Variants in INVS observed in about 807,000 individuals in gnomAD.
The protein encoded by INVS is inversion of embryo turning homolog.
INVS carries 86 observed loss-of-function variants against 108.8 expected under a neutral mutation model. The observed-to-expected ratio is 0.79, with a 90% CI of 0.66 to 0.95. INVS has a LOEUF of 0.95. INVS is among the 40% of genes least tolerant of loss of function. INVS has a pLI of 0.00. For synonymous variants in INVS, 455 were observed against 473.5 expected, an observed-to-expected ratio of 0.96 and a Z score of 0.51; for missense variants, 1,169 against 1,297.4, an observed-to-expected ratio of 0.90 and a Z score of 1.52.
At position 100,297,260 on chromosome 9, in the gene INVS, G is replaced by C; in HGVS notation, c.3016+114G>C. The C allele has an allele frequency of 5.8e-6, 5 of 867,436 alleles. No individual in the cohort carries two copies. The South Asian group carries it at 7.2e-5, about 12-fold the overall frequency. 53.7% of individuals were successfully genotyped at this position (867,436 alleles called of 1,614,324 possible). On this transcript the variant is annotated intron_variant, in intron 15 of 16. Coordinates refer to ENST00000262457, the MANE Select transcript of INVS (RefSeq NM_014425.5). ...AACTTCCATTCAGATAAATTAGGTT[G>C]GTGCAAAATTAATTGTATTATTAAA...
At chr9:100,111,132 G>A (rs1461759109) in intron 2 of INVS, among the ~76,000 whole-genome samples, 1 of 152,144 alleles carries the variant, frequency 6.6e-6, no homozygotes, top group Non-Finnish European at 1.5e-5. Flanking sequence ...TATAAAATAT[G>A]TAAAGTAAGA....
At chr9:100,196,732 C>T (rs1830385889) in intron 3 of INVS, among the ~76,000 whole-genome samples, 1 of 148,340 alleles carries the variant, frequency 6.7e-6, no homozygotes, top group African/African-American at 2.5e-5. Flanking sequence ...TTTATAATTA[C>T]CTAATTGTAT....
At chr9:100,259,826 A>T (rs1832556833) in intron 10 of INVS, among the ~76,000 whole-genome samples, 1 of 151,938 alleles carries the variant, frequency 6.6e-6, no homozygotes, top group Admixed American at 6.6e-5. Context: ...CTGGGATTAC[A>T]GGCATGAGCC....
intron 12 of INVS, among the ~76,000 whole-genome samples, chr9:100,283,138 C>G (rs1037526961): frequency 2.0e-5 from 3 of 152,006 alleles, no homozygotes; most frequent in Non-Finnish European, 4.4e-5. Context: ...GTGAGACCCC[C>G]CCTCCCCATC....
chr9:100,301,166 CACACACACACACAT>C lies in INVS; in HGVS notation c.*494_*507del, dbSNP rs1411205699. ...ACACACACACACACACACACACACA[CACACACACACACAT>C]ATCACGTCCCACTATTACTTCAAAA... On this transcript the variant is annotated 3_prime_UTR_variant, in exon 17 of 17. Transcript: ENST00000262457. Among the ~76,000 whole-genome samples, 20 of 126,156 alleles carry C rather than the reference CACACACACACACAT, an allele frequency of 1.6e-4. No homozygotes were observed. The highest frequency in any genetic ancestry group is 3.7e-3 in the Middle Eastern group (1 of 268). The allele number at this position is 126,156 out of a possible 152,430, so 82.8% of individuals were successfully genotyped here.
chr9:100,246,579 G>C, intron 7 of INVS, 37 bp from the exon 8 acceptor site: 1 of 1,507,270 alleles, frequency 6.6e-7, no homozygotes. Context: ...AAATACTACT[G>C]TTTTGTCTCC....
intron 3 of INVS, among the ~76,000 whole-genome samples, chr9:100,128,739 A>C (rs1324680206): frequency 4.6e-5 from 7 of 152,236 alleles, no homozygotes; most frequent in Non-Finnish European, 8.8e-5. Flanking sequence ...GTGAACTGAC[A>C]ATGAAAGATC....
chr9:100,252,500 T>A, intron 9 of INVS, 62 bp downstream of exon 9: 1 of 1,461,028 alleles, frequency 6.8e-7, no homozygotes, highest in Non-Finnish European at 9.6e-7. Context: ...TTGCATACTC[T>A]GTTTAAGATA....
In INVS at chr9:100,256,818, G is replaced by A. The variant is rs1832436047; in HGVS notation, c.1464+3682G>A. Among the ~76,000 whole-genome samples, 6 of 152,122 alleles carry A rather than the reference G, an allele frequency of 3.9e-5. No individual in the cohort carries two copies. In the South Asian group the frequency reaches 1.2e-3, roughly 32 times the overall value. On this transcript the variant is annotated intron_variant, in intron 10 of 16. Coordinates refer to ENST00000262457, the MANE Select transcript of INVS (RefSeq NM_014425.5). Reference sequence around the variant, plus strand: ...ATTTCTGTTCTTTTACATTTGCTGAGGAGTGCTTTACTATGTTGTCAATTT... The same window carrying A: ...ATTTCTGTTCTTTTACATTTGCTGAAGAGTGCTTTACTATGTTGTCAATTT...
At chr9:100,130,924 T>C (rs1351609302) in intron 3 of INVS, 1 of 152,178 alleles carries the variant, frequency 6.6e-6, no homozygotes, top group African/African-American at 2.4e-5. Flanking sequence ...TTTTATAAAA[T>C]ATCTATAGCC....
In INVS at chr9:100,299,555, AACACACACACACAC is replaced by A. The variant is rs55800849; in HGVS notation, c.3092-991_3092-978del. 3.2e-4 allele frequency among the ~76,000 whole-genome samples: 40 copies of A among 125,738 alleles called. 1 individual carries two copies. The highest frequency in any genetic ancestry group is 1.1e-3 in the African/African-American group (37 of 33,622). The allele number at this position is 125,738 out of a possible 152,430, so 82.5% of individuals were successfully genotyped here. On this transcript the variant is annotated intron_variant, in intron 16 of 16. Transcript: ENST00000262457. ...TCAGCAGAGCCTTTTATTGACACAC[AACACACACACACAC>A]ACACACACACACACACACACAGCCT...
chr9:100,243,877 G>T (rs1030496622), intron 7 of INVS, among the ~76,000 whole-genome samples: 33 of 152,086 alleles, frequency 2.2e-4, no homozygotes, highest in African/African-American at 8.0e-4. Context: ...CGGGCGAAGT[G>T]GCTGGCGCCT....
intron 3 of INVS, among the ~76,000 whole-genome samples, chr9:100,156,057 T>C (rs759502562): frequency 3.9e-5 from 6 of 152,030 alleles, no homozygotes; most frequent in Non-Finnish European, 7.4e-5. Context: ...TGCTTAGAAA[T>C]TGGGACAAGT....
intron 13 of INVS, among the ~76,000 whole-genome samples, chr9:100,288,726 T>TC (rs1399213929): frequency 6.6e-6 from 1 of 151,762 alleles, no homozygotes; most frequent in African/African-American, 2.4e-5. Context: ...GTTCAAGTGA[T>TC]CCCCCCATCT....
chr9:100,285,035 C>T (rs943715401), intron 13 of INVS, among the ~76,000 whole-genome samples: 1 of 152,158 alleles, frequency 6.6e-6, no homozygotes, highest in African/African-American at 2.4e-5. Flanking sequence ...TTTCTTCTTC[C>T]TTCCTGATGC....
At chr9:100,156,209 G>A (rs1828973246) in intron 3 of INVS, among the ~76,000 whole-genome samples, 2 of 150,600 alleles carry the variant, frequency 1.3e-5, no homozygotes, top group South Asian at 4.2e-4. Flanking sequence ...CAAAAATACA[G>A]TTGCTTCAAT....
chr9:100,288,829 T>A (rs1833527831), intron 13 of INVS, among the ~76,000 whole-genome samples: 1 of 152,114 alleles, frequency 6.6e-6, no homozygotes, highest in Non-Finnish European at 1.5e-5. Flanking sequence ...TTTCATCATG[T>A]TGCCCAGGCT....
rs748693441 is a variant in INVS, at chr9:100,272,946, G to A, written c.1654G>A (p.Ala552Thr). The stretch of plus-strand genomic sequence containing the variant: ...GTTGGAGCACGGTGCCCTGTCCATC[G>A]CAGCCATACAAGACATCGCCGCCTT... Reference protein sequence around the residue: ...FMLEHGALSIAAIQDIAAFKI... With the variant: ...FMLEHGALSITAIQDIAAFKI... The change falls in exon 12 of 17, where the codon GCA becomes ACA. Residue 552 changes from alanine to threonine, a missense_variant. Coordinates refer to ENST00000262457, the MANE Select transcript of INVS (RefSeq NM_014425.5). The A allele has an allele frequency of 1.5e-5, 24 of 1,614,032 alleles. No homozygotes were observed. The highest frequency in any genetic ancestry group is 1.1e-4 in the East Asian group (5 of 44,866).
intron 3 of INVS, among the ~76,000 whole-genome samples, chr9:100,201,426 C>T (rs1272957212): frequency 6.6e-6 from 1 of 152,192 alleles, no homozygotes; most frequent in Non-Finnish European, 1.5e-5. Context: ...AAAAGATAGT[C>T]CAAATTACCA....
Sources: gnomAD v4.1 joint callset for allele counts (sites outside exome capture counted in the v4.1 genomes callset) on GRCh38, gnomAD v4.1.1 for gene constraint, MANE v1.5 for transcripts, NCBI Gene and HGNC (gene_info 2026-07-23, HGNC 2026-07-21) for gene names.